The following ZGPAT variants were observed in gnomAD, a reference collection of about 807,000 sequenced individuals.
ZGPAT encodes the protein zinc finger CCCH-type with G patch domain-containing protein.
A neutral mutation model predicts 47.9 loss-of-function variants in ZGPAT; 39 were observed. The ratio of observed to expected loss-of-function variants is 0.81; its 90% CI spans 0.63 to 1.06. The LOEUF (loss-of-function observed/expected upper bound fraction) is 1.06, where lower values mean the gene tolerates loss of function less well. Ranked by LOEUF, ZGPAT falls within the 50% of genes least tolerant of loss-of-function variation. The pLI, the probability that ZGPAT is intolerant of heterozygous loss-of-function variation, is 0.00. For synonymous variants in ZGPAT, 348 were observed against 292.9 expected, an observed-to-expected ratio of 1.19 and a Z score of -1.92; for missense variants, 717 against 681.4, an observed-to-expected ratio of 1.05 and a Z score of -0.58.
At position 63,736,020 on chromosome 20, in the gene ZGPAT, C is replaced by T. The variant is rs182765586; in HGVS notation, c.*101C>T. The T allele has an allele frequency of 4.1e-5, 62 of 1,501,556 alleles. No homozygotes were observed. In the African/African-American group the frequency reaches 4.6e-4, roughly 11 times the overall value. The allele number at this position is 1,501,556 out of a possible 1,614,324, so 93.0% of individuals were successfully genotyped here. A position where few individuals can be genotyped will look rare whatever the true frequency, so the allele number is the denominator to read the frequency against. On this transcript the variant is annotated 3_prime_UTR_variant, in exon 7 of 7. Coordinates refer to ENST00000355969, the MANE Select transcript of ZGPAT (RefSeq NM_181485.3). ...GAGGGGCCGGCCTGCTGGCCTGGGG[C>T]GTGCAGACACTGCTGAGTGGAGACA...
Position 63,733,729 on chromosome 20 carries a change from C to T in ZGPAT, c.861C>T (p.Ser287=). 2 of 1,611,446 alleles carry T rather than the reference C, an allele frequency of 1.2e-6. No individual in the cohort carries two copies. ...DSDSDGTGDS[S]YARVVGSDAV... ...ACAGCGACGGTACGGGTGACTCCAG[C>T]TATGCCAGAGGTATGGCAGCAGCTG... Residue 287 remains serine (S), a synonymous_variant, in exon 4 of 7, where the codon AGC becomes AGT. Coordinates refer to ENST00000355969, the MANE Select transcript of ZGPAT (RefSeq NM_181485.3).
chr20:63,724,818 C>T (rs2091827059), intron 2 of ZGPAT, among the ~76,000 whole-genome samples: 1 of 151,642 alleles, frequency 6.6e-6, no homozygotes, highest in Non-Finnish European at 1.5e-5. Flanking sequence ...AGACTGCAGG[C>T]ACCTGCCACC....
intron 4 of ZGPAT, chr20:63,734,224 A>G (rs906170517): frequency 1.2e-5 from 3 of 245,172 alleles, no homozygotes; most frequent in Non-Finnish European, 2.4e-5. Flanking sequence ...GTGTGTGTGT[A>G]TATATGTGGG....
In ZGPAT at chr20:63,730,972, G is replaced by C. The variant is rs6011064; in HGVS notation, c.585-2247G>C. On this transcript the variant is annotated intron_variant, in intron 2 of 6. Coordinates refer to ENST00000355969, the MANE Select transcript of ZGPAT (RefSeq NM_181485.3). ...TCTCTCTCTCTCTCTCTCTCTCTCT[G>C]TGTGTGTGTGTGTGTGTGTCTCGGT... Among the ~76,000 whole-genome samples, 535 of 106,850 alleles carry C rather than the reference G, an allele frequency of 5.0e-3. 2 individuals are homozygous for C. The highest frequency in any genetic ancestry group is 0.049 in the East Asian group (130 of 2,656). 70.1% of individuals were successfully genotyped at this position (106,850 alleles called of 152,430 possible). A position where few individuals can be genotyped will look rare whatever the true frequency, so the allele number is the denominator to read the frequency against.
In ZGPAT at chr20:63,734,741, G is replaced by A. The variant is rs1027493872; in HGVS notation, c.908G>A (p.Ser303Asn). The A allele has an allele frequency of 3.7e-6, 6 of 1,614,088 alleles. No homozygotes were observed. Among genetic ancestry groups the A allele is most frequent in the Non-Finnish European group, 5.1e-6 (6 of 1,179,960 alleles). ...GATGCTGTGGACTCTGGGACCTGCAGCTCTGCCTTTGCTGGCTGGGAGGTG... is the reference window on the plus strand; with the variant it reads ...GATGCTGTGGACTCTGGGACCTGCAACTCTGCCTTTGCTGGCTGGGAGGTG... ...GSDAVDSGTC[S>N]SAFAGWEVHT... The change falls in exon 5 of 7, where the codon AGC becomes AAC. Residue 303 changes from serine (S) to asparagine (N), a missense_variant. Coordinates refer to ENST00000355969, the MANE Select transcript of ZGPAT (RefSeq NM_181485.3).
At chr20:63,714,410 A>G (rs2091704571) in intron 2 of ZGPAT, among the ~76,000 whole-genome samples, 2 of 135,486 alleles carry the variant, frequency 1.5e-5, no homozygotes, top group Admixed American at 1.6e-4. Context: ...TGGACGACAG[A>G]GCAAGAACCC....
intron 2 of ZGPAT, among the ~76,000 whole-genome samples, chr20:63,728,864 G>A (rs1197223954): frequency 2.0e-5 from 3 of 152,148 alleles, no homozygotes; most frequent in African/African-American, 7.2e-5. Flanking sequence ...GGCAGCCCCA[G>A]GTGCAAAGGC....
At position 63,734,830 on chromosome 20, in the gene ZGPAT, T is replaced by C. The variant is rs1420960127; in HGVS notation, c.991+6T>C. ...GGGCTATGAGTTTGGCAAGGGTGAG[T>C]ACAAGCTGCCCTGGAGAAGTGGGCA... On this transcript the variant is annotated splice_donor_region_variant and intron_variant, in intron 5 of 6. Transcript: ENST00000355969. 38 of 1,578,170 alleles carry C rather than the reference T, an allele frequency of 2.4e-5. No individual in the cohort carries two copies. The highest frequency in any genetic ancestry group is 3.3e-5 in the Non-Finnish European group (38 of 1,160,808).
chr20:63,709,782 G>A (rs2091639174), intron 2 of ZGPAT, among the ~76,000 whole-genome samples: 1 of 151,134 alleles, frequency 6.6e-6, no homozygotes, highest in Non-Finnish European at 1.5e-5. Context: ...GGGCTCAACC[G>A]ATCCTCCTGC....
chr20:63,733,750 A>C lies in ZGPAT; in HGVS notation c.871+11A>C. On this transcript the variant is annotated intron_variant, in intron 4 of 6. Coordinates refer to ENST00000355969, the MANE Select transcript of ZGPAT (RefSeq NM_181485.3). ...CCAGCTATGCCAGAGGTATGGCAGCAGCTGCGGAGCCCAGGAGCCAGGAAG... is the reference window on the plus strand; with the variant it reads ...CCAGCTATGCCAGAGGTATGGCAGCCGCTGCGGAGCCCAGGAGCCAGGAAG... The C allele has an allele frequency of 1.2e-6, 2 of 1,601,584 alleles. No individual in the cohort carries two copies. Among genetic ancestry groups the C allele is most frequent in the Non-Finnish European group, 1.7e-6 (2 of 1,172,750 alleles).
At chr20:63,721,918 CAGG>C (rs2091791970) in intron 2 of ZGPAT, among the ~76,000 whole-genome samples, 1 of 150,054 alleles carries the variant, frequency 6.7e-6, no homozygotes, top group African/African-American at 2.5e-5. Flanking sequence ...GAGGCTGAAG[CAGG>C]AGAATTGCTT....
Position 63,708,895 on chromosome 20 carries a change from TAA to T in ZGPAT, c.317_318del (p.Lys106SerfsTer85). On this transcript the variant is annotated frameshift_variant, in exon 2 of 7. Transcript: ENST00000355969. LOFTEE classifies it high-confidence loss of function. ...ARGSGSETVPKAEAGPESAAG... is the reference protein window; with the variant it reads ...ARGSGSETVPXAEAGPESAAG... Reference sequence around the variant, plus strand: ...GTGGGTCCGGATCAGAGACCGTTCCTAAAGCAGAGGCGGGGCCAGAATCTGCG... The same window carrying T: ...GTGGGTCCGGATCAGAGACCGTTCCTAGCAGAGGCGGGGCCAGAATCTGCG... The T allele has an allele frequency of 6.2e-7, 1 of 1,612,486 alleles. No individual in the cohort carries two copies. The highest frequency in any genetic ancestry group is 8.5e-7 in the Non-Finnish European group (1 of 1,179,660).
At chr20:63,731,668 TTGTG>T (rs74203759) in intron 2 of ZGPAT, among the ~76,000 whole-genome samples, 127 of 144,756 alleles carry the variant, frequency 8.8e-4, no homozygotes, top group Middle Eastern at 4.0e-3. Flanking sequence ...CTGTGTGTGA[TTGTG>T]TGTGCATATG....
intron 2 of ZGPAT, among the ~76,000 whole-genome samples, chr20:63,709,489 G>T (rs904895029): frequency 1.3e-5 from 2 of 152,066 alleles, no homozygotes; most frequent in Non-Finnish European, 2.9e-5. Context: ...ACACAAAAAT[G>T]AACCGGTCGT....
chr20:63,724,281 G>T (rs147047028), intron 2 of ZGPAT, among the ~76,000 whole-genome samples: 53 of 149,666 alleles, frequency 3.5e-4, no homozygotes, highest in African/African-American at 1.2e-3. Context: ...CAAGAGAATC[G>T]CTTGAACCTG....
intron 2 of ZGPAT, among the ~76,000 whole-genome samples, chr20:63,729,546 C>T (rs1344334157): frequency 6.6e-6 from 1 of 152,002 alleles, no homozygotes; most frequent in African/African-American, 2.4e-5. Flanking sequence ...CTCCTTGCAC[C>T]CCATCTGTGA....
At chr20:63,731,103 A>G (rs2091896889) in intron 2 of ZGPAT, among the ~76,000 whole-genome samples, 1 of 151,514 alleles carries the variant, frequency 6.6e-6, no homozygotes, top group Admixed American at 6.6e-5. Context: ...GCACATACAC[A>G]CCCCCAGCAC....
intron 2 of ZGPAT, among the ~76,000 whole-genome samples, chr20:63,730,922 T>TTC (rs33915732): frequency 0.052 from 6,518 of 124,154 alleles, 263 homozygotes; most frequent in East Asian, 0.074. Flanking sequence ...TTCCTCTTCA[T>TTC]TCTCTCTCTC....
chr20:63,708,531 C>G, intron 1 of ZGPAT, 22 bp from the exon 2 acceptor site: 1 of 1,517,304 alleles, frequency 6.6e-7, no homozygotes, highest in Non-Finnish European at 8.9e-7. Context: ...ACGCGGGGCT[C>G]AGCTGGCTTC....
Sources: allele counts gnomAD v4.1 joint callset (sites outside exome capture counted in the v4.1 genomes callset), GRCh38; gene constraint gnomAD v4.1.1; transcripts MANE v1.5; gene names NCBI Gene and HGNC (gene_info 2026-07-23, HGNC 2026-07-21).